The following GPCPD1 variants were observed in gnomAD, a reference collection of about 807,000 sequenced individuals.
GPCPD1 encodes glycerophosphocholine phosphodiesterase 1.
Under a neutral mutation model 89.2 loss-of-function variants are expected in GPCPD1, and 29 were observed. That is an observed-to-expected ratio of 0.33 (90% CI 0.24 to 0.44). The LOEUF is 0.44. Among genes scored for constraint, GPCPD1 ranks in the 20% least tolerant of loss-of-function variants. The probability of loss-of-function intolerance (pLI) is 1.00; values close to 1 mark genes in which losing one functional copy is unlikely to be tolerated. For synonymous variants in GPCPD1, 258 were observed against 266.3 expected, an observed-to-expected ratio of 0.97 and a Z score of 0.30; for missense variants, 594 against 808.9, an observed-to-expected ratio of 0.73 and a Z score of 3.22.
At chr20:5,565,837 A>G (rs1986369914) in intron 14 of GPCPD1, among the ~76,000 whole-genome samples, 1 of 152,196 alleles carries the variant, frequency 6.6e-6, no homozygotes, top group African/African-American at 2.4e-5. Context: ...TGCTTTTGTT[A>G]TTATCAATTA....
intron 4 of GPCPD1, among the ~76,000 whole-genome samples, chr20:5,590,311 C>T (rs990520338): frequency 2.6e-5 from 4 of 152,014 alleles, no homozygotes; most frequent in Middle Eastern, 3.4e-3. Flanking sequence ...GAGGCTGTGG[C>T]GGGTGGATCA....
intron 6 of GPCPD1, among the ~76,000 whole-genome samples, chr20:5,581,813 A>ATTTT (rs1568664434): frequency 3.6e-5 from 3 of 82,810 alleles, no homozygotes; most frequent in Admixed American, 1.3e-4. Flanking sequence ...TGGGACTTTA[A>ATTTT]CTTTTTTTTT....
At chr20:5,601,073 G>A (rs554732564) in intron 2 of GPCPD1, among the ~76,000 whole-genome samples, 5 of 151,632 alleles carry the variant, frequency 3.3e-5, no homozygotes, top group East Asian at 3.9e-4. Flanking sequence ...CCAGCTACTC[G>A]GGAGGCTGAG....
chr20:5,578,641 A>T (rs775165980), intron 7 of GPCPD1, 30 bp from the exon 8 acceptor site: 1 of 1,373,282 alleles, frequency 7.3e-7, no homozygotes, highest in Admixed American at 1.7e-5. Flanking sequence ...ATGAGATGCA[A>T]GAAGTGGCAG....
At chr20:5,590,004 A>G (rs1421190055) in intron 4 of GPCPD1, among the ~76,000 whole-genome samples, 2 of 152,210 alleles carry the variant, frequency 1.3e-5, no homozygotes, top group Non-Finnish European at 2.9e-5. Context: ...TTCTTCCCAC[A>G]AGAATAAGTC....
At chr20:5,607,690 G>A (rs1268314331) in intron 1 of GPCPD1, among the ~76,000 whole-genome samples, 1 of 151,974 alleles carries the variant, frequency 6.6e-6, no homozygotes, top group East Asian at 1.9e-4. Flanking sequence ...CAGGTGTGGT[G>A]GCTCACGCCT....
At chr20:5,604,229 T>C (rs1346221644) in intron 2 of GPCPD1, 135 bp downstream of exon 2, 3 of 604,064 alleles carry the variant, frequency 5.0e-6, no homozygotes. Context: ...ACATTTCTGC[T>C]GTCAGGCAAG....
intron 14 of GPCPD1, among the ~76,000 whole-genome samples, chr20:5,565,547 T>A (rs903519705): frequency 9.9e-5 from 15 of 152,174 alleles, no homozygotes; most frequent in African/African-American, 3.1e-4. Flanking sequence ...TAGTATTTTT[T>A]AAAGGCTCTT....
intron 3 of GPCPD1, among the ~76,000 whole-genome samples, chr20:5,596,963 T>G (rs908674377): frequency 5.9e-5 from 9 of 152,200 alleles, no homozygotes; most frequent in African/African-American, 2.2e-4. Flanking sequence ...CACATCTTTT[T>G]GACCAAGTTG....
chr20:5,548,825 G>A (rs1252481001), intron 19 of GPCPD1: 5 of 622,932 alleles, frequency 8.0e-6, no homozygotes, highest in East Asian at 4.8e-5. Flanking sequence ...GGAGCAGATC[G>A]ATGTAAGACG....
intron 13 of GPCPD1, 68 bp downstream of exon 13, chr20:5,567,415 C>G: frequency 6.7e-7 from 1 of 1,493,828 alleles, no homozygotes; most frequent in South Asian, 1.4e-5. Context: ...GAGAACATAA[C>G]CATATACAAG....
At chr20:5,599,828 C>T (rs544615550) in intron 2 of GPCPD1, among the ~76,000 whole-genome samples, 2 of 152,150 alleles carry the variant, frequency 1.3e-5, no homozygotes, top group African/African-American at 2.4e-5. Context: ...GCTGGGTTTA[C>T]AGGCATGAGC....
chr20:5,578,467 A>C lies in GPCPD1; in HGVS notation c.618T>G (p.Gly206=), dbSNP rs1342220473. ...TCCAACGATCAGGCTGCAAGCCATA[A>C]CCACACTCCGGCTGTGAATGCCTGC... ...FKCRHSQPEC[G]YGLQPDRWTE... is the part of the protein sequence containing the mutation. The change falls in exon 8 of 20, where the codon GGT becomes GGG. Residue 206 remains glycine, a synonymous_variant. Coordinates refer to ENST00000379019, the MANE Select transcript of GPCPD1 (RefSeq NM_019593.5). 66 of 1,613,928 alleles carry C rather than the reference A, an allele frequency of 4.1e-5. No homozygotes were observed. The highest frequency in any genetic ancestry group is 5.4e-5 in the Non-Finnish European group (64 of 1,179,870).
intron 11 of GPCPD1, among the ~76,000 whole-genome samples, chr20:5,573,144 T>C (rs1043439448): frequency 6.6e-6 from 1 of 151,456 alleles, no homozygotes; most frequent in Non-Finnish European, 1.5e-5. Context: ...AACGGTGGCA[T>C]GATCTCAGCT....
At chr20:5,582,121 G>A (rs113234246) in intron 6 of GPCPD1, among the ~76,000 whole-genome samples, 5,660 of 137,604 alleles carry the variant, frequency 0.041, 154 homozygotes, top group Middle Eastern at 0.063. Flanking sequence ...GGGAGGCGGA[G>A]CTTGCAGTGA....
chr20:5,561,890 G>A (rs967124057), intron 15 of GPCPD1, among the ~76,000 whole-genome samples: 7 of 152,162 alleles, frequency 4.6e-5, no homozygotes, highest in African/African-American at 1.7e-4. Flanking sequence ...CATTTGTCAT[G>A]TATTCTACAC....
At chr20:5,603,560 A>G (rs1031771298) in intron 2 of GPCPD1, among the ~76,000 whole-genome samples, 2 of 152,146 alleles carry the variant, frequency 1.3e-5, no homozygotes, top group Non-Finnish European at 2.9e-5. Flanking sequence ...CAGTATAGCC[A>G]GAGTACATAA....
chr20:5,599,313 G>A (rs969639171), intron 2 of GPCPD1, among the ~76,000 whole-genome samples: 1 of 152,010 alleles, frequency 6.6e-6, no homozygotes, highest in Admixed American at 6.5e-5. Context: ...ACTCTGGGAA[G>A]CTGAGGTGGG....
Position 5,566,730 on chromosome 20 carries a change from T to C in GPCPD1, c.1267+3A>G, listed in dbSNP as rs758124359. 6 of 1,544,354 alleles carry C rather than the reference T, an allele frequency of 3.9e-6. No homozygotes were observed. The African/African-American group carries it at 6.8e-5, about 17-fold the overall frequency. On this transcript the variant is annotated splice_donor_region_variant and intron_variant, in intron 14 of 19. Transcript: ENST00000379019. ...AAAACAGTGTTTCCATATTGGTACA[T>C]ACCTTTCCGATCCTTAGATTTCAGT...
Sources: allele counts gnomAD v4.1 joint callset (sites outside exome capture counted in the v4.1 genomes callset), GRCh38; gene constraint gnomAD v4.1.1; transcripts MANE v1.5; gene names NCBI Gene and HGNC (gene_info 2026-07-23, HGNC 2026-07-21).